Variants in SLC14A2 observed in about 807,000 individuals in gnomAD.
SLC14A2 encodes the protein solute carrier family 14 member 2, also known as urea transporter 2.
Under a neutral mutation model 104.6 loss-of-function variants are expected in SLC14A2, and 91 were observed. That is an observed-to-expected ratio of 0.87 (90% CI 0.73 to 1.04). The LOEUF (loss-of-function observed/expected upper bound fraction) is 1.04. SLC14A2 is among the 50% of genes least tolerant of loss of function. The pLI is 0.00. For synonymous variants in SLC14A2, 476 were observed against 466.4 expected, an observed-to-expected ratio of 1.02 and a Z score of -0.27; for missense variants, 1,189 against 1,156.0, an observed-to-expected ratio of 1.03 and a Z score of -0.41.
At chr18:45,426,206 G>A (rs956188981) in intron 1 of SLC14A2, among the ~76,000 whole-genome samples, 57 of 152,060 alleles carry the variant, frequency 3.7e-4, no homozygotes, top group Admixed American at 1.4e-3. Flanking sequence ...GAACTATCCC[G>A]CCTCTGTTTA....
chr18:45,626,812 A>AC, intron 3 of SLC14A2, 146 bp from the exon 4 acceptor site: 2 of 112,134 alleles, frequency 1.8e-5, no homozygotes, highest in South Asian at 1.1e-4. Context: ...CTCTACCCCC[A>AC]CCCCTCCACC....
intron 16 of SLC14A2, among the ~76,000 whole-genome samples, chr18:45,670,813 A>G (rs1057354472): frequency 6.6e-6 from 1 of 152,146 alleles, no homozygotes; most frequent in Non-Finnish European, 1.5e-5. Context: ...GTCATGTGCC[A>G]CCAGGCCCAG....
At chr18:45,357,970 T>C (rs542878838) in intron 1 of SLC14A2, among the ~76,000 whole-genome samples, 1 of 152,052 alleles carries the variant, frequency 6.6e-6, no homozygotes, top group Admixed American at 6.5e-5. Context: ...GCCATATAAT[T>C]CCCCAATCAA....
intron 1 of SLC14A2, among the ~76,000 whole-genome samples, chr18:45,474,317 G>C (rs138054526): frequency 1.9e-3 from 290 of 152,260 alleles, no homozygotes; most frequent in African/African-American, 6.6e-3. Flanking sequence ...ATGTTCATCA[G>C]GGATATTGGC....
At chr18:45,288,709 T>C (rs1412718444) in intron 1 of SLC14A2, among the ~76,000 whole-genome samples, 4 of 152,212 alleles carry the variant, frequency 2.6e-5, no homozygotes, top group Non-Finnish European at 4.4e-5. Context: ...ACTGAGATAA[T>C]TCTTCAGTGA....
At chr18:45,262,870 C>G (rs1165442639) in intron 1 of SLC14A2, among the ~76,000 whole-genome samples, 1 of 152,154 alleles carries the variant, frequency 6.6e-6, no homozygotes, top group East Asian at 1.9e-4. Context: ...TGGCTTTAAA[C>G]TTTGTATTTT....
intron 10 of SLC14A2, chr18:45,647,394 A>G (rs2045642919): frequency 6.6e-6 from 1 of 152,138 alleles, no homozygotes; most frequent in South Asian, 2.1e-4. Context: ...TAATTTTGTT[A>G]TCTCTTTTCT....
At chr18:45,354,877 G>C (rs964870944) in intron 1 of SLC14A2, among the ~76,000 whole-genome samples, 19 of 152,186 alleles carry the variant, frequency 1.2e-4, no homozygotes, top group African/African-American at 4.6e-4. Flanking sequence ...CAGCTGTGTG[G>C]ACTGGGCACT....
intron 2 of SLC14A2, among the ~76,000 whole-genome samples, chr18:45,519,613 GA>G (rs1170396674): frequency 2.0e-5 from 3 of 152,148 alleles, no homozygotes; most frequent in Non-Finnish European, 4.4e-5. Context: ...GAACTAATTG[GA>G]AAAAGGGGGC....
chr18:45,523,712 A>G (rs1291230851), intron 2 of SLC14A2, among the ~76,000 whole-genome samples: 1 of 151,622 alleles, frequency 6.6e-6, no homozygotes, highest in Non-Finnish European at 1.5e-5. Context: ...CCTGCCTGTA[A>G]CCCTCCCCAC....
In SLC14A2 at chr18:45,502,619, C is replaced by T. The variant is rs2043215675; in HGVS notation, c.-35+19297C>T. Among the ~76,000 whole-genome samples the T allele has an allele frequency of 2.6e-5, 4 of 152,200 alleles. No individual in the cohort carries two copies. The South Asian group carries it at 8.3e-4, about 32-fold the overall frequency. On this transcript the variant is annotated intron_variant, in intron 2 of 20. Transcript: ENST00000586448. ...AAAAGTACCCTAATTCATTCTTTAA[C>T]ATTCATAAAGCAAAGGAACAGCTCC...
chr18:45,552,517 C>T (rs552666489), intron 2 of SLC14A2, among the ~76,000 whole-genome samples: 193 of 152,178 alleles, frequency 1.3e-3, no homozygotes, highest in African/African-American at 4.4e-3. Flanking sequence ...CAGCCATAGA[C>T]ACCTTGGACA....
At chr18:45,305,144 T>C (rs58696100) in intron 1 of SLC14A2, among the ~76,000 whole-genome samples, 24,219 of 152,070 alleles carry the variant, frequency 0.16, 2,055 homozygotes, top group African/African-American at 0.21. Context: ...GCCAAAGCAT[T>C]TCAGGAGCAA....
intron 2 of SLC14A2, among the ~76,000 whole-genome samples, chr18:45,601,793 G>A (rs942955486): frequency 4.6e-5 from 7 of 152,218 alleles, no homozygotes; most frequent in African/African-American, 1.7e-4. Context: ...GCATGATGAA[G>A]CAACACCATG....
At chr18:45,170,932 C>G in the SLC14A2 span, among the ~76,000 whole-genome samples, 1 of 152,026 alleles carries the variant, frequency 6.6e-6, no homozygotes, top group Admixed American at 6.6e-5. Flanking sequence ...TGTGTAACAC[C>G]CAGTTGTGTC....
At chr18:45,184,388 C>T in the SLC14A2 span, among the ~76,000 whole-genome samples, 2 of 152,172 alleles carry the variant, frequency 1.3e-5, no homozygotes, top group African/African-American at 2.4e-5. Context: ...TAGCTTGATT[C>T]CTATTTAAGT....
At chr18:45,582,992 T>C (rs918808620) in intron 2 of SLC14A2, among the ~76,000 whole-genome samples, 5 of 152,132 alleles carry the variant, frequency 3.3e-5, no homozygotes, top group African/African-American at 2.4e-5. Flanking sequence ...CAAAGCTTTG[T>C]TTCTTGCATG....
At chr18:45,599,688 G>A (rs1241081806) in intron 2 of SLC14A2, among the ~76,000 whole-genome samples, 5 of 152,198 alleles carry the variant, frequency 3.3e-5, no homozygotes, top group African/African-American at 1.2e-4. Flanking sequence ...TTCCGAGCCT[G>A]TATTAGTCTG....
At chr18:45,397,369 GATGGTTTCTCAGT>G (rs2086046246) in intron 1 of SLC14A2, among the ~76,000 whole-genome samples, 1 of 152,166 alleles carries the variant, frequency 6.6e-6, no homozygotes, top group Non-Finnish European at 1.5e-5. Context: ...ACTGGTGTGA[GATGGTTTCTCAGT>G]GTGGTTTTGA....
Sources: gnomAD v4.1 joint callset for allele counts (sites outside exome capture counted in the v4.1 genomes callset) on GRCh38, gnomAD v4.1.1 for gene constraint, MANE v1.5 for transcripts, NCBI Gene and HGNC (gene_info 2026-07-23, HGNC 2026-07-21) for gene names.